EYS: variants seen among roughly 807,000 people sequenced by gnomAD.
EYS encodes EGF-like photoreceptor maintenance factor, also known as protein eyes shut homolog.
A neutral mutation model predicts 282.1 loss-of-function variants in EYS; 250 were observed. The observed-to-expected ratio is 0.89, with a 90% CI of 0.80 to 0.98. The LOEUF (loss-of-function observed/expected upper bound fraction) is 0.98, where lower values mean the gene tolerates loss of function less well. EYS is among the 50% of genes least tolerant of loss of function. EYS has a pLI of 0.00. For synonymous variants in EYS, 1,355 were observed against 1,282.9 expected (o/e 1.06, Z -1.20); for missense variants, 4,016 against 3,709.0 (o/e 1.08, Z -2.15).
At chr6:65,705,707 C>G (rs905202150) in intron 1 of EYS, among the ~76,000 whole-genome samples, 3 of 152,098 alleles carry the variant, frequency 2.0e-5, no homozygotes, top group African/African-American at 4.8e-5. Context: ...CATTTGAGTT[C>G]TTGAATATTG....
At chr6:64,152,352 C>A (rs1364077154) in intron 31 of EYS, among the ~76,000 whole-genome samples, 2 of 152,020 alleles carry the variant, frequency 1.3e-5, no homozygotes, top group Non-Finnish European at 2.9e-5. Flanking sequence ...TGATGAATAG[C>A]AAAGAGAGAC....
intron 2 of EYS, among the ~76,000 whole-genome samples, chr6:65,608,457 A>G (rs1265906920): frequency 6.6e-6 from 1 of 152,048 alleles, no homozygotes; most frequent in Non-Finnish European, 1.5e-5. Context: ...ACACTATTGT[A>G]TACTTCACAA....
chr6:64,723,841 C>T (rs1383645446), intron 22 of EYS, among the ~76,000 whole-genome samples: 1 of 152,118 alleles, frequency 6.6e-6, no homozygotes, highest in Non-Finnish European at 1.5e-5. Context: ...CTCTATGTTC[C>T]TAGTGAGTAG....
At chr6:64,276,439 A>T (rs1029514552) in intron 30 of EYS, among the ~76,000 whole-genome samples, 9 of 152,318 alleles carry the variant, frequency 5.9e-5, no homozygotes, top group Admixed American at 2.0e-4. Flanking sequence ...TCTATGCATA[A>T]ACACTTAATC....
chr6:64,996,597 C>A (rs1046918059), intron 14 of EYS, among the ~76,000 whole-genome samples: 1 of 152,144 alleles, frequency 6.6e-6, no homozygotes, highest in Non-Finnish European at 1.5e-5. Context: ...AGCAACCAGA[C>A]AACCACAAAT....
intron 5 of EYS, among the ~76,000 whole-genome samples, chr6:65,411,808 A>C (rs532002985): frequency 6.6e-6 from 1 of 150,968 alleles, no homozygotes; most frequent in Admixed American, 6.6e-5. Context: ...TATGTGCACC[A>C]ATACGTCTTT....
intron 8 of EYS, among the ~76,000 whole-genome samples, chr6:65,360,170 C>A (rs1582184908): frequency 6.6e-6 from 1 of 151,854 alleles, no homozygotes; most frequent in East Asian, 1.9e-4. Flanking sequence ...CACTTATTCA[C>A]TTATCCTTCT....
chr6:64,526,655 T>C (rs910939196), intron 26 of EYS, among the ~76,000 whole-genome samples: 7 of 151,812 alleles, frequency 4.6e-5, no homozygotes, highest in Non-Finnish European at 8.9e-5. Flanking sequence ...CCACACTGCC[T>C]GATCATCTTT....
chr6:63,742,163 T>A (rs1769091959), intron 41 of EYS, among the ~76,000 whole-genome samples: 2 of 152,214 alleles, frequency 1.3e-5, no homozygotes, highest in Non-Finnish European at 2.9e-5. Context: ...TGAATCCAAA[T>A]CAGCTTTTGC....
intron 21 of EYS, among the ~76,000 whole-genome samples, chr6:64,816,551 C>G (rs117691826): frequency 6.6e-6 from 1 of 152,004 alleles, no homozygotes; most frequent in African/African-American, 2.4e-5. Context: ...CTTTCCCTAA[C>G]TTAGGGATTC....
At chr6:64,659,951 C>A (rs9445099) in intron 22 of EYS, among the ~76,000 whole-genome samples, 2 of 151,980 alleles carry the variant, frequency 1.3e-5, no homozygotes, top group Non-Finnish European at 2.9e-5. Flanking sequence ...AATTTCAGAC[C>A]AATATCCCTG....
chr6:64,819,145 T>C (rs1213436495), intron 21 of EYS, among the ~76,000 whole-genome samples: 4 of 152,046 alleles, frequency 2.6e-5, no homozygotes, highest in Admixed American at 6.6e-5. Context: ...CATTGCACCA[T>C]AGAGAAAGCT....
At chr6:65,272,567 C>A (rs1767934112) in intron 12 of EYS, among the ~76,000 whole-genome samples, 1 of 152,092 alleles carries the variant, frequency 6.6e-6, no homozygotes, top group Non-Finnish European at 1.5e-5. Flanking sequence ...CATTTCTGAA[C>A]AAACTCATCT....
chr6:64,811,167 A>C (rs1396371496), intron 22 of EYS, among the ~76,000 whole-genome samples: 1 of 152,086 alleles, frequency 6.6e-6, no homozygotes, highest in Admixed American at 6.6e-5. Flanking sequence ...TTGATTTGGC[A>C]CCAGCTCTGA....
chr6:64,782,672 T>C (rs139630308), intron 22 of EYS, among the ~76,000 whole-genome samples: 170 of 152,344 alleles, frequency 1.1e-3, no homozygotes, highest in African/African-American at 3.7e-3. Context: ...TCTCCTAGTT[T>C]ATTTGTATGT....
chr6:65,098,100 C>T (rs1774791726), intron 12 of EYS, among the ~76,000 whole-genome samples: 1 of 150,338 alleles, frequency 6.7e-6, no homozygotes, highest in Admixed American at 6.7e-5. Flanking sequence ...GGAGGTAACA[C>T]TCTTTTGTAA....
At chr6:65,665,426 A>T (rs1010098562) in intron 1 of EYS, among the ~76,000 whole-genome samples, 1 of 152,160 alleles carries the variant, frequency 6.6e-6, no homozygotes, top group Non-Finnish European at 1.5e-5. Flanking sequence ...AATGGCCACT[A>T]AACTGTGGGA....
At chr6:65,063,073 G>A (rs1489572256) in intron 12 of EYS, among the ~76,000 whole-genome samples, 1 of 151,828 alleles carries the variant, frequency 6.6e-6, no homozygotes, top group Non-Finnish European at 1.5e-5. Flanking sequence ...GGAAGTCAGA[G>A]TCCATTATTA....
At chr6:64,630,710 T>G (rs565138150) in intron 22 of EYS, among the ~76,000 whole-genome samples, 1 of 152,212 alleles carries the variant, frequency 6.6e-6, no homozygotes, top group Non-Finnish European at 1.5e-5. Flanking sequence ...GCCCATGATT[T>G]CAATTTTAAA....
Sources: gnomAD v4.1 joint callset for allele counts (sites outside exome capture counted in the v4.1 genomes callset) on GRCh38, gnomAD v4.1.1 for gene constraint, MANE v1.5 for transcripts, NCBI Gene and HGNC (gene_info 2026-07-23, HGNC 2026-07-21) for gene names.